The following METAP1D variants were observed in gnomAD, a reference collection of about 807,000 sequenced individuals.
METAP1D encodes methionine aminopeptidase 1D, mitochondrial.
A neutral mutation model predicts 40.5 loss-of-function variants in METAP1D; 31 were observed. The ratio of observed to expected loss-of-function variants is 0.77; its 90% CI spans 0.58 to 1.03. The LOEUF is 1.03. METAP1D is among the 50% of genes least tolerant of loss of function. The probability of loss-of-function intolerance (pLI) is 0.00; values close to 1 mark genes in which losing one functional copy is unlikely to be tolerated. For synonymous variants in METAP1D, 151 were observed against 146.4 expected (o/e 1.03, Z -0.22); for missense variants, 411 against 420.7 (o/e 0.98, Z 0.20).
At chr2:172,049,557 G>A (rs777704834) in intron 1 of METAP1D, among the ~76,000 whole-genome samples, 3 of 151,960 alleles carry the variant, frequency 2.0e-5, no homozygotes, top group Admixed American at 6.6e-5. Flanking sequence ...AAAAACTGTC[G>A]AGTGAGTATT....
chr2:172,025,822 A>G (rs556321927), intron 1 of METAP1D, among the ~76,000 whole-genome samples: 4 of 152,210 alleles, frequency 2.6e-5, no homozygotes, highest in African/African-American at 7.2e-5. Context: ...TGTCTTCACA[A>G]CTTCAATAAT....
At chr2:172,068,212 C>G (rs1021063071) in intron 5 of METAP1D, among the ~76,000 whole-genome samples, 7 of 151,964 alleles carry the variant, frequency 4.6e-5, no homozygotes, top group African/African-American at 1.7e-4. Context: ...GGTGAAATCC[C>G]ATCTCTACTA....
chr2:172,061,325 A>G (rs557212152), intron 1 of METAP1D, among the ~76,000 whole-genome samples, 173 bp from the exon 2 acceptor site: 3 of 152,348 alleles, frequency 2.0e-5, no homozygotes, highest in African/African-American at 7.2e-5. Flanking sequence ...ACGCTGTGTT[A>G]CTATTGTACT....
chr2:172,041,408 G>T (rs989203763), intron 1 of METAP1D, among the ~76,000 whole-genome samples: 1 of 124,760 alleles, frequency 8.0e-6, no homozygotes, highest in East Asian at 2.1e-4. Context: ...TCAGTGAGCC[G>T]ATATCGTGCC....
At chr2:172,019,239 C>T (rs1688950315) in intron 1 of METAP1D, among the ~76,000 whole-genome samples, 1 of 152,006 alleles carries the variant, frequency 6.6e-6, no homozygotes, top group Non-Finnish European at 1.5e-5. Context: ...GTAGTCCTAT[C>T]TATGAAAGAG....
chr2:172,076,350 T>C lies in METAP1D; in HGVS notation c.705-1447T>C, dbSNP rs2357323. 0.027 allele frequency among the ~76,000 whole-genome samples: 4,109 copies of C among 152,182 alleles called. 586 individuals carry two copies. In the East Asian group the frequency reaches 0.45, roughly 17 times the overall value. On this transcript the variant is annotated intron_variant, in intron 6 of 9. Transcript: ENST00000315796. ...AAAAAAAATCTAGATTATTATGTCCTATTTAATTATCTTTCTTCCACCCTG... is the reference window on the plus strand; with the variant it reads ...AAAAAAAATCTAGATTATTATGTCCCATTTAATTATCTTTCTTCCACCCTG...
intron 7 of METAP1D, among the ~76,000 whole-genome samples, chr2:172,078,780 C>G (rs137938421): frequency 6.6e-6 from 1 of 152,154 alleles, no homozygotes; most frequent in Non-Finnish European, 1.5e-5. Flanking sequence ...TGAAGTCAGG[C>G]CCCTGCTCCC....
At chr2:172,054,261 C>G (rs979866351) in intron 1 of METAP1D, among the ~76,000 whole-genome samples, 2 of 152,206 alleles carry the variant, frequency 1.3e-5, no homozygotes, top group African/African-American at 4.8e-5. Context: ...GTGGCTCATG[C>G]CTGTAATCCC....
intron 1 of METAP1D, among the ~76,000 whole-genome samples, chr2:172,029,954 C>G (rs1043247833): frequency 2.6e-5 from 4 of 152,112 alleles, no homozygotes; most frequent in Admixed American, 6.5e-5. Context: ...TGGGGTTTCA[C>G]TATGTTGGCC....
At position 172,017,679 on chromosome 2, in the gene METAP1D, G is replaced by GA. The variant is rs544627282; in HGVS notation, c.40+17679dup. 1.7e-3 allele frequency among the ~76,000 whole-genome samples: 260 copies of GA among 150,118 alleles called. 2 individuals carry two copies. The highest frequency in any genetic ancestry group is 5.4e-3 in the African/African-American group (222 of 40,926). On this transcript the variant is annotated intron_variant, in intron 1 of 9. Coordinates refer to ENST00000315796, the MANE Select transcript of METAP1D (RefSeq NM_199227.3). ...GTTGTCTTGCCCAGAATTTAATAGA[G>GA]AAAAAAAAATGGACTTGCAGAAAAA...
At chr2:172,046,567 GTTAA>G (rs1400943810) in intron 1 of METAP1D, among the ~76,000 whole-genome samples, 7 of 152,198 alleles carry the variant, frequency 4.6e-5, no homozygotes, top group Non-Finnish European at 7.4e-5. Context: ...TGCTTTAGTA[GTTAA>G]TTAGAGGAAG....
rs200696505 is a variant in METAP1D at position 172,009,045 on chromosome 2, C to CT, written c.40+9049dup. On this transcript the variant is annotated intron_variant, in intron 1 of 9. Transcript: ENST00000315796. ...ATTGTTTATTTCTGGAATTTTCTTT[C>CT]TTTTTTTTTTTTTGAGACAGAGTCT... Among the ~76,000 whole-genome samples the CT allele has an allele frequency of 0.027, 3,841 of 144,376 alleles. 462 individuals carry two copies. The East Asian group carries it at 0.4, about 15-fold the overall frequency. The allele number at this position is 144,376 out of a possible 152,430, so 94.7% of individuals were successfully genotyped here.
chr2:172,041,773 C>T (rs1186364828), intron 1 of METAP1D, among the ~76,000 whole-genome samples: 1 of 52,558 alleles, frequency 1.9e-5, no homozygotes, highest in Non-Finnish European at 4.6e-5. Context: ...TATATTTCAT[C>T]CCCCAAAAGA....
intron 1 of METAP1D, among the ~76,000 whole-genome samples, chr2:172,024,513 A>ACCAGG: frequency 6.6e-6 from 1 of 152,120 alleles, no homozygotes; most frequent in African/African-American, 2.4e-5. Flanking sequence ...GCAGATAAAA[A>ACCAGG]TTGGCCTCCA....
chr2:172,053,602 A>G (rs1430751525), intron 1 of METAP1D, among the ~76,000 whole-genome samples: 1 of 152,252 alleles, frequency 6.6e-6, no homozygotes, highest in Non-Finnish European at 1.5e-5. Flanking sequence ...CTCCATTTGT[A>G]AAATCAATTA....
chr2:172,003,413 A>G (rs1446384988), intron 1 of METAP1D, among the ~76,000 whole-genome samples: 1 of 152,194 alleles, frequency 6.6e-6, no homozygotes, highest in African/African-American at 2.4e-5. Flanking sequence ...GAAGAGGAAC[A>G]AGGAAATCTC....
At chr2:172,010,626 G>A (rs1018492843) in intron 1 of METAP1D, among the ~76,000 whole-genome samples, 8 of 151,346 alleles carry the variant, frequency 5.3e-5, no homozygotes, top group Non-Finnish European at 1.0e-4. Flanking sequence ...CCGAGTGGCT[G>A]AGATTGTAGG....
Position 172,010,493 on chromosome 2 carries a change from C to CTTT in METAP1D, c.40+10502_40+10504dup, listed in dbSNP as rs759651661. Among the ~76,000 whole-genome samples, 146 of 88,976 alleles carry CTTT rather than the reference C, an allele frequency of 1.6e-3. 3 individuals are homozygous for CTTT. Among genetic ancestry groups the CTTT allele is most frequent in the East Asian group, 0.014 (44 of 3,202 alleles). The allele number at this position is 88,976 out of a possible 152,430, so 58.4% of individuals were successfully genotyped here. A position where few individuals can be genotyped will look rare whatever the true frequency, so the allele number is the denominator to read the frequency against. On this transcript the variant is annotated intron_variant, in intron 1 of 9. Transcript: ENST00000315796. Reference sequence around the variant, plus strand: ...TTTTTTCCTTCTTTCCTTCTTTCCTCTTTTTTTTTTTTTTTTTTTTAACAG... The same window carrying CTTT: ...TTTTTTCCTTCTTTCCTTCTTTCCTCTTTTTTTTTTTTTTTTTTTTTTTAACAG...
At chr2:172,033,914 A>G (rs766707434) in intron 1 of METAP1D, among the ~76,000 whole-genome samples, 34 of 151,874 alleles carry the variant, frequency 2.2e-4, no homozygotes, top group South Asian at 6.2e-4. Flanking sequence ...TGTCTCAACT[A>G]AAAATACAAA....
Sources: gnomAD v4.1 joint callset for allele counts (sites outside exome capture counted in the v4.1 genomes callset) on GRCh38, gnomAD v4.1.1 for gene constraint, MANE v1.5 for transcripts, NCBI Gene and HGNC (gene_info 2026-07-23, HGNC 2026-07-21) for gene names.